Variants in HSD17B14 observed in about 807,000 individuals in gnomAD.
HSD17B14 encodes hydroxysteroid 17-beta dehydrogenase 14, also known as L-fucose dehydrogenase.
In HSD17B14, 32 loss-of-function variants were observed where a neutral mutation model predicts 32.2. That is an observed-to-expected ratio of 0.99 (90% CI 0.75 to 1.33). The LOEUF is 1.33. Among genes scored for constraint, HSD17B14 ranks in the 40% most tolerant of loss-of-function variants. The pLI is 0.00. For synonymous variants in HSD17B14, 140 were observed against 155.4 expected (o/e 0.90, Z 0.74); for missense variants, 370 against 366.5 (o/e 1.01, Z -0.08).
intron 5 of HSD17B14, among the ~76,000 whole-genome samples, chr19:48,826,491 C>CA (rs747731627): frequency 0.013 from 518 of 41,074 alleles, 10 homozygotes; most frequent in Middle Eastern, 0.033. Flanking sequence ...AAGATTGTCT[C>CA]AAAAAAAAAA....
chr19:48,834,349 C>T lies in HSD17B14; in HGVS notation c.137G>A (p.Gly46Asp), dbSNP rs373458804. 9.9e-6 allele frequency: 16 copies of T among 1,612,128 alleles called. No homozygotes were observed. The highest frequency in any genetic ancestry group is 3.3e-5 in the South Asian group (3 of 91,032). ...VVICDKDESG[G>D]RALEQELPGA... ...AGGGAGCTCCTGCTCCAGGGCCCGGCCCCCAGACTCTGCAGGGAGAGAAGA... is the reference window on the plus strand; with the variant it reads ...AGGGAGCTCCTGCTCCAGGGCCCGGTCCCCAGACTCTGCAGGGAGAGAAGA... The change falls in exon 3 of 9, where the codon GGC becomes GAC. Residue 46 changes from glycine to aspartate, a missense_variant. Physicochemically the swap from Gly to Asp is moderately conservative, Grantham distance 94 (BLOSUM62 -1). Transcript: ENST00000263278.
chr19:48,834,488 T>TGG (rs1462408526), intron 2 of HSD17B14, 130 bp from the exon 3 acceptor site: 78 of 464,180 alleles, frequency 1.7e-4, no homozygotes, highest in African/African-American at 4.7e-4. Flanking sequence ...GAGGAGGGGC[T>TGG]GAGGTCTGGA....
chr19:48,832,454 C>T (rs891798215), intron 4 of HSD17B14, among the ~76,000 whole-genome samples: 1 of 152,026 alleles, frequency 6.6e-6, no homozygotes, highest in African/African-American at 2.4e-5. Context: ...AGTGAGGGCA[C>T]AGCCCTGGGG....
chr19:48,835,779 G>T (rs1191470303), intron 2 of HSD17B14, 26 bp downstream of exon 2: 2 of 1,613,164 alleles, frequency 1.2e-6, no homozygotes, highest in Non-Finnish European at 1.7e-6. Flanking sequence ...AAGGGCCAAG[G>T]TGAGGGCTGA....
In HSD17B14 at chr19:48,814,839, T is replaced by TAAA. The variant is rs375605467; in HGVS notation, c.474+195_474+197dup. Among the ~76,000 whole-genome samples the TAAA allele has an allele frequency of 1.6e-3, 162 of 99,344 alleles. 1 individual carries two copies. Among genetic ancestry groups the TAAA allele is most frequent in the African/African-American group, 6.2e-3 (155 of 24,844 alleles). The allele number at this position is 99,344 out of a possible 152,430, so 65.2% of individuals were successfully genotyped here. A position where few individuals can be genotyped will look rare whatever the true frequency, so the allele number is the denominator to read the frequency against. The stretch of plus-strand genomic sequence containing the variant: ...TGGTGACAGAGCGAGACTCCATCTT[T>TAAA]AAAAAAAAAAAAAGAAAAGAAAAGA... On this transcript the variant is annotated intron_variant, in intron 6 of 8. Coordinates refer to ENST00000263278, the MANE Select transcript of HSD17B14 (RefSeq NM_016246.3).
At chr19:48,815,536 GT>G (rs2035037049) in intron 5 of HSD17B14, among the ~76,000 whole-genome samples, 1 of 152,196 alleles carries the variant, frequency 6.6e-6, no homozygotes, top group Admixed American at 6.5e-5. Flanking sequence ...TTATTTTCCG[GT>G]GAAGTCTCTG....
At chr19:48,818,147 C>T (rs2122747314) in intron 5 of HSD17B14, among the ~76,000 whole-genome samples, 1 of 151,816 alleles carries the variant, frequency 6.6e-6, no homozygotes, top group Non-Finnish European at 1.5e-5. Flanking sequence ...CCCATCTCTA[C>T]TAAAAATACA....
chr19:48,833,915 G>A lies in HSD17B14; in HGVS notation c.210+361C>T, dbSNP rs574589402. 4.0e-5 allele frequency among the ~76,000 whole-genome samples: 6 copies of A among 151,604 alleles called. No homozygotes were observed. The East Asian group carries it at 5.8e-4, about 15-fold the overall frequency. On this transcript the variant is annotated intron_variant, in intron 3 of 8. Transcript: ENST00000263278. ...TGAGATAGGAGAATGGCTTGAACTCGGTAGGCTGAGGTTGCAGTGAGCCGA... is the reference window on the plus strand; with the variant it reads ...TGAGATAGGAGAATGGCTTGAACTCAGTAGGCTGAGGTTGCAGTGAGCCGA...
At chr19:48,814,067 C>A (rs143822698) in intron 6 of HSD17B14, among the ~76,000 whole-genome samples, 2 of 151,764 alleles carry the variant, frequency 1.3e-5, no homozygotes. Context: ...TGGTGGTGCA[C>A]GCCTGTAATC....
At chr19:48,826,528 A>AAAAAAAAAAAAAAAAATATATAT (rs777368104) in intron 5 of HSD17B14, among the ~76,000 whole-genome samples, 1 of 23,078 alleles carries the variant, frequency 4.3e-5, no homozygotes, top group African/African-American at 1.2e-4. Flanking sequence ...AAAAGAAGAA[A>AAAAAAAAAAAAAAAAATATATAT]ATATATATAT....
chr19:48,813,385 G>A (rs1261138220), intron 8 of HSD17B14, 37 bp from the exon 9 acceptor site: 4 of 1,555,748 alleles, frequency 2.6e-6, no homozygotes, highest in Non-Finnish European at 3.5e-6. Context: ...GTCAAGAGGA[G>A]CCCCACTTGA....
At chr19:48,818,607 G>A (rs1360418038) in intron 5 of HSD17B14, among the ~76,000 whole-genome samples, 1 of 152,032 alleles carries the variant, frequency 6.6e-6, no homozygotes, top group Non-Finnish European at 1.5e-5. Context: ...ACCCCAGCAC[G>A]AGGCACACAG....
chr19:48,832,380 A>G (rs2035353898), intron 4 of HSD17B14, among the ~76,000 whole-genome samples: 1 of 151,998 alleles, frequency 6.6e-6, no homozygotes, highest in African/African-American at 2.4e-5. Flanking sequence ...CTCCATCTGA[A>G]AAAAAAAGAA....
At position 48,831,743 on chromosome 19, in the gene HSD17B14, C is replaced by G. The variant is rs768446428; in HGVS notation, c.294G>C (p.Arg98Ser). The G allele has an allele frequency of 1.2e-5, 19 of 1,612,230 alleles. No individual in the cohort carries two copies. Among genetic ancestry groups the G allele is most frequent in the Non-Finnish European group, 1.6e-5 (19 of 1,178,942 alleles). ...NNAGHHPPPQ[R>S]PEETSAQGFR... ...ATCCCTGGGCAGAGGTCTCCTCAGG[C>G]CTCTGTGGGGGTGGGTCTAAAGTGG... Residue 98 changes from arginine (R) to serine (S), a missense_variant, in exon 5 of 9, where the codon AGG becomes AGC. Physicochemically the swap from Arg to Ser is moderately radical, Grantham distance 110. Coordinates refer to ENST00000263278, the MANE Select transcript of HSD17B14 (RefSeq NM_016246.3).
intron 6 of HSD17B14, among the ~76,000 whole-genome samples, chr19:48,814,737 G>T (rs1387903445): frequency 6.6e-6 from 1 of 151,680 alleles, no homozygotes; most frequent in Non-Finnish European, 1.5e-5. Flanking sequence ...CCAGCTACTC[G>T]GGAGGCTGAG....
intron 5 of HSD17B14, among the ~76,000 whole-genome samples, chr19:48,820,760 AG>A (rs1265217499): frequency 6.6e-6 from 1 of 151,678 alleles, no homozygotes; most frequent in Non-Finnish European, 1.5e-5. Flanking sequence ...CCCAGCTCTC[AG>A]GGAGGCAGAG....
chr19:48,822,186 AATG>A (rs2035165441), intron 5 of HSD17B14, among the ~76,000 whole-genome samples: 1 of 132,958 alleles, frequency 7.5e-6, no homozygotes, highest in Non-Finnish European at 1.6e-5. Flanking sequence ...TGATGGTGGT[AATG>A]ATGGTGATGA....
chr19:48,831,580 A>G (rs2035335756), intron 5 of HSD17B14, 88 bp downstream of exon 5: 3 of 923,100 alleles, frequency 3.2e-6, no homozygotes, highest in Non-Finnish European at 5.4e-6. Flanking sequence ...AAAAGAACGG[A>G]AAACATTTTG....
chr19:48,827,257 G>A (rs529349767), intron 5 of HSD17B14, among the ~76,000 whole-genome samples: 1 of 151,960 alleles, frequency 6.6e-6, no homozygotes, highest in East Asian at 1.9e-4. Context: ...TGGCCAGGCT[G>A]GTCTCGAACT....
Sources: gnomAD v4.1 joint callset for allele counts (sites outside exome capture counted in the v4.1 genomes callset) on GRCh38, gnomAD v4.1.1 for gene constraint, MANE v1.5 for transcripts, NCBI Gene and HGNC (gene_info 2026-07-23, HGNC 2026-07-21) for gene names.